The following HPSE2 variants were observed in gnomAD, a reference collection of about 807,000 sequenced individuals.
HPSE2 encodes the protein inactive heparanase-2.
In HPSE2, 38 loss-of-function variants were observed where a neutral mutation model predicts 60.5. That is an observed-to-expected ratio of 0.63 (90% confidence interval 0.48 to 0.82). HPSE2 has a LOEUF of 0.82. Ranked by LOEUF, HPSE2 falls within the 40% of genes least tolerant of loss-of-function variation. HPSE2 has a pLI of 0.00. For synonymous variants in HPSE2, 295 were observed against 293.2 expected, an observed-to-expected ratio of 1.01 and a Z score of -0.06; for missense variants, 713 against 740.4, an observed-to-expected ratio of 0.96 and a Z score of 0.43.
intron 9 of HPSE2, among the ~76,000 whole-genome samples, chr10:98,612,310 C>T (rs553806223): frequency 2.0e-5 from 3 of 152,298 alleles, no homozygotes; most frequent in East Asian, 3.9e-4. Context: ...ACTCTGAGTT[C>T]CAGTTTTCTT....
the HPSE2 span, among the ~76,000 whole-genome samples, chr10:99,255,592 ACAC>A: frequency 6.6e-6 from 1 of 151,360 alleles, no homozygotes; most frequent in Non-Finnish European, 1.5e-5. Flanking sequence ...ACACACACAC[ACAC>A]GACTACAATA....
Position 98,934,866 on chromosome 10 carries a change from C to A in HPSE2, c.611-190810G>T, listed in dbSNP as rs1197606763. On this transcript the variant is annotated intron_variant, in intron 3 of 11. Coordinates refer to ENST00000370552, the MANE Select transcript of HPSE2 (RefSeq NM_021828.5). ...AAGTGGAAGTTGCCCTGGATGATATCCTGAAGGGTGTTTTACAACTTGGTT... is the reference window on the plus strand; with the variant it reads ...AAGTGGAAGTTGCCCTGGATGATATACTGAAGGGTGTTTTACAACTTGGTT... 1.4e-5 allele frequency among the ~76,000 whole-genome samples: 2 copies of A among 143,268 alleles called. 1 individual carries two copies. Among genetic ancestry groups the A allele is most frequent in the Non-Finnish European group, 3.0e-5 (2 of 67,060 alleles). The allele number at this position is 143,268 out of a possible 152,430, so 94.0% of individuals were successfully genotyped here.
intron 8 of HPSE2, among the ~76,000 whole-genome samples, chr10:98,618,857 G>A (rs113414465): frequency 0.035 from 5,277 of 152,176 alleles, 150 homozygotes; most frequent in East Asian, 0.11. Flanking sequence ...GATTACAGGC[G>A]TGAGCCACGG....
At chr10:98,967,771 A>G (rs1955849648) in intron 3 of HPSE2, among the ~76,000 whole-genome samples, 1 of 152,178 alleles carries the variant, frequency 6.6e-6, no homozygotes, top group East Asian at 1.9e-4. Flanking sequence ...AGTGACCCCA[A>G]ACTGCCACTT....
rs548513996 is a variant in HPSE2 at position 98,774,022 on chromosome 10, T to A, written c.611-29966A>T. ...CAGGGTGCAGTGAGCCATGACTGTG[T>A]CACTGCACTCCAGTATGGGTGACGG... is the stretch of plus-strand genomic sequence containing the variant. On this transcript the variant is annotated intron_variant, in intron 3 of 11. Transcript: ENST00000370552. 2.0e-5 allele frequency among the ~76,000 whole-genome samples: 3 copies of A among 152,196 alleles called. No individual in the cohort carries two copies. The South Asian group carries it at 6.2e-4, about 32-fold the overall frequency.
chr10:99,296,525 T>A, the HPSE2 span, among the ~76,000 whole-genome samples: 1 of 152,238 alleles, frequency 6.6e-6, no homozygotes, highest in African/African-American at 2.4e-5. Context: ...GCTGCTACTC[T>A]CTTGCCTACA....
At chr10:98,796,624 G>C (rs1255536493) in intron 3 of HPSE2, among the ~76,000 whole-genome samples, 3 of 152,212 alleles carry the variant, frequency 2.0e-5, no homozygotes, top group Non-Finnish European at 4.4e-5. Context: ...AGAACACAAA[G>C]CTGGTTAGCT....
intron 3 of HPSE2, among the ~76,000 whole-genome samples, chr10:99,082,236 G>GA (rs1358140581): frequency 6.6e-6 from 1 of 152,018 alleles, no homozygotes; most frequent in Non-Finnish European, 1.5e-5. Flanking sequence ...AAACCGATCA[G>GA]AAAAAACAAA....
rs1954941944 is a variant in HPSE2 at position 98,940,064 on chromosome 10, C to A, written c.611-196008G>T. Among the ~76,000 whole-genome samples, 2 of 143,230 alleles carry A rather than the reference C, an allele frequency of 1.4e-5. 1 individual carries two copies. Among genetic ancestry groups the A allele is most frequent in the African/African-American group, 5.7e-5 (2 of 34,980 alleles). 94.0% of individuals were successfully genotyped at this position (143,230 alleles called of 152,430 possible). A position where few individuals can be genotyped will look rare whatever the true frequency, so the allele number is the denominator to read the frequency against. On this transcript the variant is annotated intron_variant, in intron 3 of 11. Transcript: ENST00000370552. ...ACAAAGACACAACATACCAGAATCT[C>A]TGGGACACATTCAAAGCAGTGTAAA...
chr10:98,637,533 T>A (rs953248856), intron 7 of HPSE2, among the ~76,000 whole-genome samples: 1 of 152,164 alleles, frequency 6.6e-6, no homozygotes. Flanking sequence ...GAGAATAGTA[T>A]CCTTAGCATC....
intron 3 of HPSE2, among the ~76,000 whole-genome samples, chr10:99,120,860 G>A (rs1844924566): frequency 6.6e-6 from 1 of 152,216 alleles, no homozygotes; most frequent in South Asian, 2.1e-4. Flanking sequence ...CCATGGGTGA[G>A]AGTGTAAATT....
intron 11 of HPSE2, among the ~76,000 whole-genome samples, chr10:98,481,490 ACTC>A (rs1941231535): frequency 6.6e-6 from 1 of 152,192 alleles, no homozygotes; most frequent in South Asian, 2.1e-4. Context: ...GGGATAAAAT[ACTC>A]AATAGAGTCC....
intron 3 of HPSE2, among the ~76,000 whole-genome samples, chr10:99,073,037 T>C (rs1264852585): frequency 5.3e-5 from 8 of 150,472 alleles, no homozygotes; most frequent in Non-Finnish European, 1.2e-4. Context: ...GGAATGTAAA[T>C]TAGTTCAACC....
intron 9 of HPSE2, among the ~76,000 whole-genome samples, chr10:98,564,049 T>C (rs1944268060): frequency 6.6e-6 from 1 of 152,240 alleles, no homozygotes. Flanking sequence ...TATTTTCCTT[T>C]GTCCCTCCCA....
chr10:99,106,711 C>T (rs1844263113), intron 3 of HPSE2, among the ~76,000 whole-genome samples: 1 of 152,074 alleles, frequency 6.6e-6, no homozygotes, highest in Admixed American at 6.6e-5. Context: ...ATACAAACTA[C>T]TTAATCTTCA....
rs1214217451 is a variant in HPSE2 at position 98,930,824 on chromosome 10, T to A, written c.611-186768A>T. On this transcript the variant is annotated intron_variant, in intron 3 of 11. Coordinates refer to ENST00000370552, the MANE Select transcript of HPSE2 (RefSeq NM_021828.5). ...GCCTACTTTTTGATGGGGTTGTTTT[T>A]TGCTTGTAAATTTGCATAAGTTCCT... is the stretch of plus-strand genomic sequence containing the variant. Among the ~76,000 whole-genome samples, 2 of 144,472 alleles carry A rather than the reference T, an allele frequency of 1.4e-5. 1 individual carries two copies. The highest frequency in any genetic ancestry group is 5.6e-5 in the African/African-American group (2 of 35,694). 94.8% of individuals were successfully genotyped at this position (144,472 alleles called of 152,430 possible).
At chr10:99,080,467 T>C (rs553835670) in intron 3 of HPSE2, among the ~76,000 whole-genome samples, 2 of 152,320 alleles carry the variant, frequency 1.3e-5, no homozygotes, top group African/African-American at 4.8e-5. Flanking sequence ...ATCTCTGGCA[T>C]TGACACTGGA....
In HPSE2 at chr10:99,144,360, C is replaced by G; in HGVS notation, c.488G>C (p.Gly163Ala). Residue 163 changes from glycine to alanine, a missense_variant, in exon 3 of 12, where the codon GGC (glycine) becomes GCC (alanine). Transcript: ENST00000370552. ...RSDVALDKQK[G>A]CKIAQHPDVM... is the part of the protein sequence containing the mutation. Reference sequence around the variant, plus strand: ...ATCAGGGTGCTGGGCAATCTTGCAGCCTTTCTGTTTATCTAAGGCAACATC... The same window carrying G: ...ATCAGGGTGCTGGGCAATCTTGCAGGCTTTCTGTTTATCTAAGGCAACATC... 1 of 1,613,972 alleles carries G rather than the reference C, an allele frequency of 6.2e-7. No individual in the cohort carries two copies. The highest frequency in any genetic ancestry group is 8.5e-7 in the Non-Finnish European group (1 of 1,179,974).
At chr10:99,080,598 C>T (rs1843101421) in intron 3 of HPSE2, among the ~76,000 whole-genome samples, 1 of 152,210 alleles carries the variant, frequency 6.6e-6, no homozygotes. Context: ...GCCAAGTCTA[C>T]ATGTTTCTGA....
Sources: gnomAD v4.1 joint callset for allele counts (sites outside exome capture counted in the v4.1 genomes callset) on GRCh38, gnomAD v4.1.1 for gene constraint, MANE v1.5 for transcripts, NCBI Gene and HGNC (gene_info 2026-07-23, HGNC 2026-07-21) for gene names.